The following LGR6 variants were observed in gnomAD, a reference collection of about 807,000 sequenced individuals.
LGR6 encodes leucine rich repeat containing G protein-coupled receptor 6.
A neutral mutation model predicts 69.4 loss-of-function variants in LGR6; 45 were observed. The observed-to-expected ratio is 0.65, with a 90% CI of 0.51 to 0.83. The LOEUF (loss-of-function observed/expected upper bound fraction) is 0.83. LGR6 is among the 40% of genes least tolerant of loss of function. The probability of loss-of-function intolerance (pLI) is 0.00; values close to 1 mark genes in which losing one functional copy is unlikely to be tolerated. For missense variants in LGR6, 1,108 were observed against 1,246.7 expected (o/e 0.89, Z 1.68); for synonymous variants, 538 against 555.0 (o/e 0.97, Z 0.43).
At chr1:202,256,329 TGTCTCCCGG>T (rs2148081613) in intron 4 of LGR6, among the ~76,000 whole-genome samples, 1 of 152,264 alleles carries the variant, frequency 6.6e-6, no homozygotes, top group East Asian at 1.9e-4. Flanking sequence ...CTGCAACCAC[TGTCTCCCGG>T]GTTCAAGCGA....
chr1:202,214,189 C>G, intron 1 of LGR6: 1 of 1,531,120 alleles, frequency 6.5e-7, no homozygotes, highest in East Asian at 2.7e-5. Flanking sequence ...TCAGCGAGGG[C>G]GGGACAGAAC....
intron 13 of LGR6, 70 bp from the exon 14 acceptor site, chr1:202,307,260 A>G: frequency 1.4e-6 from 2 of 1,446,414 alleles, no homozygotes; most frequent in Non-Finnish European, 9.7e-7. Flanking sequence ...TGTGAGGGGG[A>G]GCCCATGATG....
At chr1:202,242,258 C>G (rs1044266314) in intron 4 of LGR6, among the ~76,000 whole-genome samples, 4 of 152,214 alleles carry the variant, frequency 2.6e-5, no homozygotes, top group African/African-American at 7.2e-5. Context: ...GGTCACACAG[C>G]TAGGATGTAA....
At chr1:202,284,116 G>A (rs750659381) in intron 6 of LGR6, among the ~76,000 whole-genome samples, 9 of 152,016 alleles carry the variant, frequency 5.9e-5, no homozygotes, top group Admixed American at 2.6e-4. Flanking sequence ...AGAACAAATC[G>A]TGCCAACTCC....
At chr1:202,213,168 T>A (rs1187779315) in intron 1 of LGR6, among the ~76,000 whole-genome samples, 1 of 152,174 alleles carries the variant, frequency 6.6e-6, no homozygotes, top group Non-Finnish European at 1.5e-5. Context: ...TGAAGTCACC[T>A]TTCCAGCAGT....
chr1:202,264,321 T>G (rs1209459933), intron 4 of LGR6, among the ~76,000 whole-genome samples: 2 of 152,244 alleles, frequency 1.3e-5, no homozygotes, highest in African/African-American at 4.8e-5. Context: ...CTACAAAGTC[T>G]GCTAGGACAG....
intron 1 of LGR6, among the ~76,000 whole-genome samples, chr1:202,200,002 G>C (rs979620858): frequency 6.6e-6 from 1 of 152,244 alleles, no homozygotes; most frequent in Non-Finnish European, 1.5e-5. Context: ...ACAGGACGGG[G>C]AGTTAGGATG....
intron 4 of LGR6, among the ~76,000 whole-genome samples, chr1:202,261,081 A>T (rs926788707): frequency 2.3e-4 from 35 of 150,662 alleles, no homozygotes; most frequent in African/African-American, 7.5e-4. Context: ...TTTTCTTTTT[A>T]TTATTATTAT....
chr1:202,204,448 C>CCTTCAA (rs1658977057), intron 1 of LGR6, among the ~76,000 whole-genome samples: 1 of 35,694 alleles, frequency 2.8e-5, no homozygotes. Context: ...CACACACCTC[C>CCTTCAA]ACACACACAC....
intron 3 of LGR6, among the ~76,000 whole-genome samples, chr1:202,228,664 C>T (rs1264574448): frequency 1.3e-5 from 2 of 152,148 alleles, no homozygotes; most frequent in African/African-American, 4.8e-5. Flanking sequence ...TCATGACTCA[C>T]CTTGTTCCAA....
intron 4 of LGR6, among the ~76,000 whole-genome samples, chr1:202,258,737 T>C (rs560736442): frequency 1.3e-5 from 2 of 152,198 alleles, no homozygotes; most frequent in African/African-American, 4.8e-5. Flanking sequence ...TCATTGATTC[T>C]CTTGGAATTT....
chr1:202,319,538 G>A lies in LGR6; in HGVS notation c.*331G>A, dbSNP rs888201843. 7.8e-6 allele frequency: 2 copies of A among 255,434 alleles called. No individual in the cohort carries two copies. Among genetic ancestry groups the A allele is most frequent in the Non-Finnish European group, 1.5e-5 (2 of 133,928 alleles). The allele number at this position is 255,434 out of a possible 1,614,324, so 15.8% of individuals were successfully genotyped here. A position where few individuals can be genotyped will look rare whatever the true frequency, so the allele number is the denominator to read the frequency against. ...CAGTGAAGGGGTGGAGGGTTGATCA[G>A]GGCACAGTGGACAGGGAGACCTCAC... On this transcript the variant is annotated 3_prime_UTR_variant, in exon 18 of 18. Coordinates refer to ENST00000367278, the MANE Select transcript of LGR6 (RefSeq NM_001017403.2).
chr1:202,214,442 A>AGGGGCGCGGGCAGGGGCGGGCC (rs1375394366), intron 1 of LGR6, among the ~76,000 whole-genome samples: 90 of 142,134 alleles, frequency 6.3e-4, no homozygotes, highest in African/African-American at 2.3e-3. Context: ...AGGGGCGGGC[A>AGGGGCGCGGGCAGGGGCGGGCC]GGGGCACGGC....
chr1:202,227,293 T>C (rs777621644), intron 2 of LGR6, among the ~76,000 whole-genome samples: 1 of 152,196 alleles, frequency 6.6e-6, no homozygotes, highest in African/African-American at 2.4e-5. Context: ...GACTTCTGAA[T>C]CATCCACCAT....
At chr1:202,309,946 TC>T in intron 15 of LGR6, among the ~76,000 whole-genome samples, 1 of 152,272 alleles carries the variant, frequency 6.6e-6, no homozygotes, top group South Asian at 2.1e-4. Context: ...AATGTTTCTT[TC>T]CCCATCTCAC....
intron 4 of LGR6, among the ~76,000 whole-genome samples, chr1:202,274,192 G>T (rs1665353282): frequency 6.6e-6 from 1 of 152,206 alleles, no homozygotes; most frequent in Non-Finnish European, 1.5e-5. Flanking sequence ...TGGTGTGCTT[G>T]GTCAGGCCAT....
chr1:202,276,559 T>TGCTGGGG (rs1665576020), intron 5 of LGR6, 38 bp downstream of exon 5: 2 of 1,507,768 alleles, frequency 1.3e-6, no homozygotes, highest in East Asian at 2.3e-5. Context: ...AGTGGGGTCC[T>TGCTGGGG]GCTGGGGGCT....
intron 1 of LGR6, among the ~76,000 whole-genome samples, chr1:202,221,553 C>T (rs1248880326): frequency 6.6e-6 from 1 of 152,208 alleles, no homozygotes; most frequent in African/African-American, 2.4e-5. Flanking sequence ...TGAGAGGACT[C>T]ATAGCCCTTC....
At chr1:202,208,219 G>A (rs1348425549) in intron 1 of LGR6, among the ~76,000 whole-genome samples, 1 of 152,180 alleles carries the variant, frequency 6.6e-6, no homozygotes, top group Non-Finnish European at 1.5e-5. Flanking sequence ...GTGGAAGTGG[G>A]ATCAGGAGAC....
Sources: gnomAD v4.1 joint callset for allele counts (sites outside exome capture counted in the v4.1 genomes callset) on GRCh38, gnomAD v4.1.1 for gene constraint, MANE v1.5 for transcripts, NCBI Gene and HGNC (gene_info 2026-07-23, HGNC 2026-07-21) for gene names.